Variants in KCNIP4 observed in about 807,000 individuals in gnomAD.
KCNIP4 encodes the protein Kv channel-interacting protein 4.
A neutral mutation model predicts 34.0 loss-of-function variants in KCNIP4; 12 were observed. That is an observed-to-expected ratio of 0.35 (90% confidence interval 0.23 to 0.57). The LOEUF (loss-of-function observed/expected upper bound fraction) is 0.57. KCNIP4 is among the 20% of genes least tolerant of loss of function. KCNIP4 has a pLI of 0.83. For synonymous variants in KCNIP4, 124 were observed against 102.2 expected, an observed-to-expected ratio of 1.21 and a Z score of -1.29; for missense variants, 238 against 311.7, an observed-to-expected ratio of 0.76 and a Z score of 1.78.
At chr4:21,415,484 G>T (rs566653287) in intron 1 of KCNIP4, among the ~76,000 whole-genome samples, 1 of 151,536 alleles carries the variant, frequency 6.6e-6, no homozygotes, top group Non-Finnish European at 1.5e-5. Flanking sequence ...CTTAGGTCAG[G>T]AGTTCGAGAC....
chr4:20,736,852 AT>A, intron 5 of KCNIP4, among the ~76,000 whole-genome samples: 1 of 152,324 alleles, frequency 6.6e-6, no homozygotes, highest in Middle Eastern at 3.4e-3. Context: ...AGCCCAGTCA[AT>A]TTTAAGAAAG....
intron 1 of KCNIP4, among the ~76,000 whole-genome samples, chr4:21,070,919 C>T (rs1332438956): frequency 2.0e-5 from 3 of 151,880 alleles, no homozygotes; most frequent in Non-Finnish European, 4.4e-5. Flanking sequence ...TCGTGATCTG[C>T]CCACCTCGGC....
intron 1 of KCNIP4, among the ~76,000 whole-genome samples, chr4:20,974,713 G>A (rs1735312445): frequency 6.6e-6 from 1 of 152,094 alleles, no homozygotes; most frequent in Admixed American, 6.5e-5. Context: ...ATAGACGTGA[G>A]GCCCAGGCAA....
At chr4:21,316,440 A>C (rs774388585) in intron 1 of KCNIP4, 30 of 152,184 alleles carry the variant, frequency 2.0e-4, no homozygotes, top group Non-Finnish European at 3.7e-4. Flanking sequence ...AACAAAAATC[A>C]CCATGTCTAG....
intron 1 of KCNIP4, among the ~76,000 whole-genome samples, chr4:20,936,438 C>G (rs972826417): frequency 6.6e-6 from 1 of 151,820 alleles, no homozygotes; most frequent in Non-Finnish European, 1.5e-5. Context: ...AAATAAGGCC[C>G]CGTCCTAAAG....
intron 1 of KCNIP4, among the ~76,000 whole-genome samples, chr4:21,604,630 T>G (rs1203752846): frequency 6.6e-6 from 1 of 152,202 alleles, no homozygotes; most frequent in Non-Finnish European, 1.5e-5. Context: ...TAATCTTTTA[T>G]TTCCATACAG....
At position 21,511,674 on chromosome 4, in the gene KCNIP4, C is replaced by T. The variant is rs116464403; in HGVS notation, c.61+436897G>A. Among the ~76,000 whole-genome samples, 1,454 of 152,234 alleles carry T rather than the reference C, an allele frequency of 9.6e-3. 21 individuals carry two copies. Among genetic ancestry groups the T allele is most frequent in the African/African-American group, 0.033 (1,384 of 41,546 alleles). On this transcript the variant is annotated intron_variant, in intron 1 of 8. Coordinates refer to ENST00000382152, the MANE Select transcript of KCNIP4 (RefSeq NM_025221.6). ...GGACAACGGGAGCTCATGACATCCA[C>T]AGTTGTTGGAGAATGAGATTTCTGA...
At chr4:21,420,918 T>C (rs1356330004) in intron 1 of KCNIP4, among the ~76,000 whole-genome samples, 1 of 152,094 alleles carries the variant, frequency 6.6e-6, no homozygotes, top group Non-Finnish European at 1.5e-5. Flanking sequence ...CACAAATATA[T>C]AAGAAATTGA....
intron 1 of KCNIP4, among the ~76,000 whole-genome samples, chr4:21,321,074 A>G (rs1714357612): frequency 6.6e-6 from 1 of 152,022 alleles, no homozygotes; most frequent in Admixed American, 6.6e-5. Flanking sequence ...TTCTGGAAAA[A>G]ATGCATTTTT....
At chr4:21,726,946 T>C (rs1715238991) in intron 1 of KCNIP4, among the ~76,000 whole-genome samples, 1 of 152,180 alleles carries the variant, frequency 6.6e-6, no homozygotes, top group African/African-American at 2.4e-5. Context: ...TATTTCCCCC[T>C]AGCCATAAGC....
intron 1 of KCNIP4, among the ~76,000 whole-genome samples, chr4:21,489,816 G>C (rs1210628533): frequency 6.6e-6 from 1 of 151,938 alleles, no homozygotes; most frequent in African/African-American, 2.4e-5. Context: ...ATCCCAAACT[G>C]TTCATAGAAT....
chr4:21,399,126 A>T, intron 1 of KCNIP4, among the ~76,000 whole-genome samples: 1 of 152,248 alleles, frequency 6.6e-6, no homozygotes, highest in East Asian at 1.9e-4. Flanking sequence ...CCTAGATTGT[A>T]GGGAACTACT....
intron 1 of KCNIP4, among the ~76,000 whole-genome samples, chr4:21,790,578 T>C (rs1283222856): frequency 2.0e-5 from 3 of 150,974 alleles, no homozygotes; most frequent in African/African-American, 7.4e-5. Context: ...TATTTCTATT[T>C]GAATATGAAA....
chr4:20,908,246 C>T (rs886433488), intron 1 of KCNIP4, among the ~76,000 whole-genome samples: 6 of 151,960 alleles, frequency 3.9e-5, no homozygotes, highest in Admixed American at 6.6e-5. Flanking sequence ...ATTACAGGTG[C>T]ACACCGCCAT....
chr4:21,604,048 A>C (rs578193508), intron 1 of KCNIP4, among the ~76,000 whole-genome samples: 1 of 152,234 alleles, frequency 6.6e-6, no homozygotes, highest in African/African-American at 2.4e-5. Flanking sequence ...TCGATTATAA[A>C]TTTTAGGTTT....
At chr4:20,854,505 A>G (rs1721368920) in intron 2 of KCNIP4, among the ~76,000 whole-genome samples, 1 of 152,160 alleles carries the variant, frequency 6.6e-6, no homozygotes, top group Non-Finnish European at 1.5e-5. Flanking sequence ...AGTGGGAGAC[A>G]GGAGAGGGAT....
chr4:21,631,192 A>G (rs1276990968), intron 1 of KCNIP4, among the ~76,000 whole-genome samples: 1 of 152,200 alleles, frequency 6.6e-6, no homozygotes, highest in Non-Finnish European at 1.5e-5. Context: ...TGTCATATTT[A>G]TCTTCCTATC....
intron 3 of KCNIP4, among the ~76,000 whole-genome samples, chr4:20,784,838 G>A (rs1711734936): frequency 6.6e-6 from 1 of 152,130 alleles, no homozygotes; most frequent in African/African-American, 2.4e-5. Flanking sequence ...ATCACAGAAG[G>A]AGTTTTGGAC....
chr4:21,629,119 C>T (rs1190973793), intron 1 of KCNIP4, among the ~76,000 whole-genome samples: 2 of 152,060 alleles, frequency 1.3e-5, no homozygotes, highest in Non-Finnish European at 2.9e-5. Context: ...TGGGACTTAG[C>T]AGGAGGGTTT....
Sources: allele counts gnomAD v4.1 joint callset (sites outside exome capture counted in the v4.1 genomes callset), GRCh38; gene constraint gnomAD v4.1.1; transcripts MANE v1.5; gene names NCBI Gene and HGNC (gene_info 2026-07-23, HGNC 2026-07-21).